CSGALNACT1: variants seen among roughly 807,000 people sequenced by gnomAD.
CSGALNACT1 encodes beta4GalNAcT-1.
A neutral mutation model predicts 51.0 loss-of-function variants in CSGALNACT1; 52 were observed. The observed-to-expected ratio is 1.02, with a 90% CI of 0.82 to 1.29. The LOEUF is 1.29. CSGALNACT1 is among the 50% of genes most tolerant of loss of function. The pLI is 0.00. For synonymous variants in CSGALNACT1, 341 were observed against 254.4 expected (o/e 1.34, Z -3.24); for missense variants, 935 against 679.2 (o/e 1.38, Z -4.19).
At chr8:19,683,063 G>C, upstream of CSGALNACT1, 1 of 244,798 alleles carries the variant, frequency 4.1e-6, no homozygotes, top group South Asian at 5.2e-5. Context: ...AGACAGGATG[G>C]ACGGGAACAG....
At chr8:19,635,504 G>C (rs556898695) in intron 1 of CSGALNACT1, among the ~76,000 whole-genome samples, 1 of 152,174 alleles carries the variant, frequency 6.6e-6, no homozygotes, top group Non-Finnish European at 1.5e-5. Flanking sequence ...GCTTAGGGGT[G>C]AACCTCGGCT....
chr8:19,503,226 T>C (rs2076712364), intron 4 of CSGALNACT1, among the ~76,000 whole-genome samples: 1 of 152,250 alleles, frequency 6.6e-6, no homozygotes, highest in African/African-American at 2.4e-5. Flanking sequence ...TCACCAAATA[T>C]GGAAGACACA....
intron 3 of CSGALNACT1, among the ~76,000 whole-genome samples, chr8:19,537,466 T>C (rs1379706309): frequency 6.6e-6 from 1 of 152,216 alleles, no homozygotes; most frequent in East Asian, 1.9e-4. Context: ...TCTCCTTTCA[T>C]AAATATTCAT....
intron 1 of CSGALNACT1, among the ~76,000 whole-genome samples, chr8:19,705,841 G>A (rs1045540202): frequency 6.6e-6 from 1 of 152,134 alleles, no homozygotes; most frequent in Non-Finnish European, 1.5e-5. Context: ...AAACATAAAA[G>A]TAAAGCAACA....
intron 3 of CSGALNACT1, among the ~76,000 whole-genome samples, chr8:19,548,836 T>C (rs983154908): frequency 2.0e-5 from 3 of 152,156 alleles, no homozygotes; most frequent in Non-Finnish European, 4.4e-5. Context: ...ATCCCTTTAT[T>C]TGAGAGAGGT....
intron 9 of CSGALNACT1, among the ~76,000 whole-genome samples, chr8:19,407,979 G>A (rs563127083): frequency 2.6e-5 from 4 of 151,830 alleles, no homozygotes; most frequent in African/African-American, 9.7e-5. Context: ...TTTAGTCAGA[G>A]CTTAAAGTGA....
At chr8:19,510,456 C>T (rs1159463885) in intron 3 of CSGALNACT1, among the ~76,000 whole-genome samples, 1 of 152,086 alleles carries the variant, frequency 6.6e-6, no homozygotes, top group Non-Finnish European at 1.5e-5. Flanking sequence ...TGTCTTTATT[C>T]ATCCATACAA....
At chr8:19,629,349 C>G (rs145805761) in intron 1 of CSGALNACT1, among the ~76,000 whole-genome samples, 1 of 152,314 alleles carries the variant, frequency 6.6e-6, no homozygotes, top group African/African-American at 2.4e-5. Flanking sequence ...TGTTCAGAAG[C>G]TGTAACTGGT....
At chr8:19,548,548 A>AAT (rs145983351) in intron 3 of CSGALNACT1, among the ~76,000 whole-genome samples, 20,946 of 152,266 alleles carry the variant, frequency 0.14, 48 homozygotes, top group Middle Eastern at 0.18. Context: ...CACTGCTGTT[A>AAT]GTTTTTCTCA....
chr8:19,492,582 G>A (rs2074586792), intron 4 of CSGALNACT1, among the ~76,000 whole-genome samples: 2 of 152,286 alleles, frequency 1.3e-5, no homozygotes, highest in African/African-American at 4.8e-5. Flanking sequence ...TGTCATGTCC[G>A]ATGCCCCAGT....
chr8:19,450,417 T>G (rs190502022), intron 5 of CSGALNACT1, among the ~76,000 whole-genome samples: 1 of 151,928 alleles, frequency 6.6e-6, no homozygotes, highest in African/African-American at 2.4e-5. Flanking sequence ...AAGCAAACTT[T>G]CCCTGGTGAG....
chr8:19,552,924 A>T (rs886823104), intron 3 of CSGALNACT1, among the ~76,000 whole-genome samples: 6 of 152,188 alleles, frequency 3.9e-5, no homozygotes, highest in Admixed American at 3.9e-4. Context: ...GCCCTGGGGA[A>T]AAACAGAGGC....
At chr8:19,635,427 C>G (rs2055901886) in intron 1 of CSGALNACT1, among the ~76,000 whole-genome samples, 1 of 152,240 alleles carries the variant, frequency 6.6e-6, no homozygotes. Context: ...ACGCTTTGAT[C>G]TAGGCCTGTT....
chr8:19,622,036 T>C (rs910772669), intron 1 of CSGALNACT1, among the ~76,000 whole-genome samples: 1 of 152,190 alleles, frequency 6.6e-6, no homozygotes, highest in Non-Finnish European at 1.5e-5. Context: ...ATAAAGTAAA[T>C]AGTCCATTGT....
intron 1 of CSGALNACT1, among the ~76,000 whole-genome samples, chr8:19,724,000 AC>A (rs755471591): frequency 3.3e-5 from 5 of 152,086 alleles, no homozygotes; most frequent in Non-Finnish European, 7.4e-5. Context: ...CATTTCGAAA[AC>A]CCTAGGATTT....
At chr8:19,488,193 T>C (rs2073458349) in intron 4 of CSGALNACT1, among the ~76,000 whole-genome samples, 1 of 151,262 alleles carries the variant, frequency 6.6e-6, no homozygotes, top group Non-Finnish European at 1.5e-5. Flanking sequence ...CTATTGAAAA[T>C]ACAAAAATTA....
At chr8:19,679,140 C>A (rs959921152) in intron 1 of CSGALNACT1, among the ~76,000 whole-genome samples, 1 of 152,108 alleles carries the variant, frequency 6.6e-6, no homozygotes, top group Non-Finnish European at 1.5e-5. Flanking sequence ...TAAGGAAATT[C>A]AAGACAGCAG....
chr8:19,522,169 G>A (rs1587772688), intron 3 of CSGALNACT1, among the ~76,000 whole-genome samples: 1 of 152,140 alleles, frequency 6.6e-6, no homozygotes, highest in East Asian at 1.9e-4. Context: ...AAATCAGTGT[G>A]AGCTAAATTA....
At chr8:19,492,707 C>A (rs1158714316) in intron 4 of CSGALNACT1, among the ~76,000 whole-genome samples, 1 of 152,214 alleles carries the variant, frequency 6.6e-6, no homozygotes, top group African/African-American at 2.4e-5. Flanking sequence ...CCCGTAGCCA[C>A]CAGCCTAGCA....
Sources: gnomAD v4.1 joint callset for allele counts (sites outside exome capture counted in the v4.1 genomes callset) on GRCh38, gnomAD v4.1.1 for gene constraint, MANE v1.5 for transcripts, NCBI Gene and HGNC (gene_info 2026-07-23, HGNC 2026-07-21) for gene names.